Variants in PTBP2 observed in about 807,000 individuals in gnomAD.
PTBP2 encodes polypyrimidine tract binding protein 2.
In PTBP2, 13 loss-of-function variants were observed where a neutral mutation model predicts 61.4. The observed-to-expected ratio is 0.21, with a 90% CI of 0.14 to 0.34. The LOEUF (loss-of-function observed/expected upper bound fraction) is 0.34, where lower values mean the gene tolerates loss of function less well. PTBP2 is among the 10% of genes least tolerant of loss of function. PTBP2 has a pLI of 1.00. For synonymous variants in PTBP2, 215 were observed against 218.5 expected (o/e 0.98, Z 0.14); for missense variants, 405 against 642.6 (o/e 0.63, Z 4.00).
At position 96,779,314 on chromosome 1, in the gene PTBP2, G is replaced by A. The variant is rs556078433; in HGVS notation, c.708+1368G>A. Among the ~76,000 whole-genome samples, 36 of 152,030 alleles carry A rather than the reference G, an allele frequency of 2.4e-4. No individual in the cohort carries two copies. The South Asian group carries it at 7.1e-3, about 30-fold the overall frequency. ...TGTGACATTTTTCACAACTTCAAACGTTTAAATATAGTCTACATTTTTCTT... is the reference window on the plus strand; with the variant it reads ...TGTGACATTTTTCACAACTTCAAACATTTAAATATAGTCTACATTTTTCTT... On this transcript the variant is annotated intron_variant, in intron 7 of 13. Transcript: ENST00000674951.
At chr1:96,725,604 ATC>A (rs1650314791) in intron 2 of PTBP2, among the ~76,000 whole-genome samples, 1 of 152,140 alleles carries the variant, frequency 6.6e-6, no homozygotes, top group East Asian at 1.9e-4. Context: ...AAAATTGCAA[ATC>A]GTTTTTAAAA....
At chr1:96,791,456 G>T (rs758267991) in intron 8 of PTBP2, among the ~76,000 whole-genome samples, 1 of 152,084 alleles carries the variant, frequency 6.6e-6, no homozygotes, top group Non-Finnish European at 1.5e-5. Context: ...AAGTTTTTGG[G>T]TTTCTTGAAC....
At chr1:96,779,901 ATC>A (rs138329806) in intron 7 of PTBP2, among the ~76,000 whole-genome samples, 9,520 of 152,098 alleles carry the variant, frequency 0.063, 378 homozygotes, top group Middle Eastern at 0.082. Flanking sequence ...ACCAGTTTAA[ATC>A]CATCAACGTC....
At chr1:96,729,680 A>G (rs1651112529) in intron 2 of PTBP2, among the ~76,000 whole-genome samples, 1 of 147,800 alleles carries the variant, frequency 6.8e-6, no homozygotes, top group South Asian at 2.1e-4. Context: ...GAACTAGTCC[A>G]TTTCCTTTAA....
chr1:96,736,372 A>G (rs778823484), intron 2 of PTBP2, among the ~76,000 whole-genome samples: 78 of 152,128 alleles, frequency 5.1e-4, no homozygotes, highest in Non-Finnish European at 9.3e-4. Context: ...TTAAAAATAG[A>G]ATTAAAAATA....
rs116936958 is a variant in PTBP2, at chr1:96,798,123, C to T, written c.905-6677C>T. The stretch of plus-strand genomic sequence containing the variant: ...GAAGGGGCTGTCAGGCGTGGTGTCT[C>T]ATGCCTATAATCCCAGTCATGCCTG... On this transcript the variant is annotated intron_variant, in intron 8 of 13. Coordinates refer to ENST00000674951, the MANE Select transcript of PTBP2 (RefSeq NM_021190.4). Among the ~76,000 whole-genome samples, 3 of 150,852 alleles carry T rather than the reference C, an allele frequency of 2.0e-5. No individual in the cohort carries two copies. In the East Asian group the frequency reaches 5.9e-4, roughly 29 times the overall value.
At chr1:96,781,331 A>G (rs1658643318) in intron 7 of PTBP2, among the ~76,000 whole-genome samples, 1 of 151,874 alleles carries the variant, frequency 6.6e-6, no homozygotes, top group Non-Finnish European at 1.5e-5. Flanking sequence ...ATTGCTTCTA[A>G]TCACAATACC....
intron 2 of PTBP2, chr1:96,751,218 AAAG>A (rs780880256): frequency 3.8e-4 from 243 of 640,134 alleles, no homozygotes; most frequent in Middle Eastern, 1.7e-3. Context: ...GGCTTAGAGT[AAAG>A]AAGGGAAGGG....
intron 3 of PTBP2, among the ~76,000 whole-genome samples, chr1:96,755,474 T>C (rs1447357197): frequency 6.6e-6 from 1 of 152,196 alleles, no homozygotes; most frequent in African/African-American, 2.4e-5. Context: ...ATTTGTCTCC[T>C]AAGCATTTAC....
In PTBP2 at chr1:96,804,958, A is replaced by G. The variant is rs747212903; in HGVS notation, c.1044+19A>G. The stretch of plus-strand genomic sequence containing the variant: ...TGAAGAGGTTAGTAAAATAATCTCT[A>G]ATGTTTATTCTTTAACTCCATTTCA... On this transcript the variant is annotated intron_variant, in intron 9 of 13. Transcript: ENST00000674951. 6.5e-7 allele frequency: 1 copy of G among 1,533,712 alleles called. No homozygotes were observed. Among genetic ancestry groups the G allele is most frequent in the African/African-American group, 1.4e-5 (1 of 72,472 alleles).
In PTBP2 at chr1:96,812,873, A is replaced by C; in HGVS notation, c.1333A>C (p.Lys445Gln). The stretch of plus-strand genomic sequence containing the variant: ...GCATCGTTTTAAGAAACCTGGATCC[A>C]AAAATTTTCAAAACATTTTTCCTCC... Reference protein sequence around the residue: ...PLHRFKKPGSKNFQNIFPPSA... With the variant: ...PLHRFKKPGSQNFQNIFPPSA... Residue 445 changes from lysine (K) to glutamine (Q), a missense_variant, in exon 12 of 14, where the codon AAA (lysine) becomes CAA (glutamine). Around this residue, in one of 4 missense-constraint regions of PTBP2, gnomAD observed 18 missense variants for 69.6 expected, o/e 0.26. Transcript: ENST00000674951. 1 of 1,613,936 alleles carries C rather than the reference A, an allele frequency of 6.2e-7. No individual in the cohort carries two copies. Among genetic ancestry groups the C allele is most frequent in the Non-Finnish European group, 8.5e-7 (1 of 1,179,856 alleles).
At chr1:96,791,992 C>T (rs559966711) in intron 8 of PTBP2, among the ~76,000 whole-genome samples, 1 of 151,926 alleles carries the variant, frequency 6.6e-6, no homozygotes, top group African/African-American at 2.4e-5. Context: ...CGCCACCACG[C>T]CCAGCTAATT....
chr1:96,813,664 T>TG lies in PTBP2; in HGVS notation c.*259_*260insG, dbSNP rs1243928612. On this transcript the variant is annotated 3_prime_UTR_variant, in exon 14 of 14. Transcript: ENST00000674951. ...TTAAAATTTCAGTTTAATTTTGCTT[T>TG]TTTTTTTTTTTTTTTTTTCCTTTCA... 1 of 98,446 alleles carries TG rather than the reference T, an allele frequency of 1.0e-5. No homozygotes were observed. Among genetic ancestry groups the TG allele is most frequent in the Non-Finnish European group, 2.3e-5 (1 of 44,376 alleles). The allele number at this position is 98,446 out of a possible 1,614,324, so 6.1% of individuals were successfully genotyped here.
chr1:96,773,123 C>CAAAAAAAAAAAAAAAAAAAA (rs563241972), intron 5 of PTBP2, among the ~76,000 whole-genome samples: 1 of 88,266 alleles, frequency 1.1e-5, no homozygotes, highest in Non-Finnish European at 2.1e-5. Context: ...GACTCTATCT[C>CAAAAAAAAAAAAAAAAAAAA]AAAAAAAAAA....
downstream of PTBP2, chr1:96,817,595 CAACTA>C (rs1049490808): frequency 3.9e-5 from 6 of 152,018 alleles, no homozygotes. Flanking sequence ...GCACTTCACT[CAACTA>C]TATCACTACC....
chr1:96,787,953 A>C (rs1659388679), intron 8 of PTBP2, among the ~76,000 whole-genome samples: 1 of 152,178 alleles, frequency 6.6e-6, no homozygotes, highest in Non-Finnish European at 1.5e-5. Context: ...AAAATGTTAA[A>C]GCCTGTTTAC....
At chr1:96,744,184 A>G (rs1653437215) in intron 2 of PTBP2, among the ~76,000 whole-genome samples, 2 of 152,284 alleles carry the variant, frequency 1.3e-5, no homozygotes, top group South Asian at 4.1e-4. Context: ...AGATTGCGCC[A>G]CTGCACTCCA....
intron 2 of PTBP2, among the ~76,000 whole-genome samples, chr1:96,728,967 G>T (rs1390146097): frequency 1.3e-5 from 2 of 151,970 alleles, no homozygotes; most frequent in African/African-American, 2.4e-5. Flanking sequence ...ATGGCATATT[G>T]CTCATATGTT....
chr1:96,770,022 A>C, intron 4 of PTBP2, 147 bp downstream of exon 4: 3 of 576,246 alleles, frequency 5.2e-6, no homozygotes, highest in Non-Finnish European at 8.2e-6. Context: ...TCTGTGGGAA[A>C]CTAATGCTAG....
Sources: allele counts gnomAD v4.1 joint callset (sites outside exome capture counted in the v4.1 genomes callset), GRCh38; gene constraint gnomAD v4.1.1; regional missense constraint gnomAD v4.1.1; transcripts MANE v1.5; gene names NCBI Gene and HGNC (gene_info 2026-07-23, HGNC 2026-07-21).